DMRT1: variants seen among roughly 807,000 people sequenced by gnomAD.
DMRT1 encodes the protein doublesex- and mab-3-related transcription factor 1.
Under a neutral mutation model 32.3 loss-of-function variants are expected in DMRT1, and 7 were observed. The ratio of observed to expected loss-of-function variants is 0.22; its 90% CI spans 0.12 to 0.41. The LOEUF is 0.41. DMRT1 is among the 10% of genes least tolerant of loss of function. The pLI is 1.00. For synonymous variants in DMRT1, 278 were observed against 206.1 expected, an observed-to-expected ratio of 1.35 and a Z score of -2.99; for missense variants, 625 against 500.5, an observed-to-expected ratio of 1.25 and a Z score of -2.37.
intron 2 of DMRT1, among the ~76,000 whole-genome samples, chr9:857,371 A>G (rs1815442746): frequency 6.6e-6 from 1 of 152,094 alleles, no homozygotes; most frequent in Non-Finnish European, 1.5e-5. Context: ...GTCTTTGAAA[A>G]CGTTCCTTTC....
At chr9:901,563 G>A (rs186049839) in intron 3 of DMRT1, among the ~76,000 whole-genome samples, 1,590 of 152,208 alleles carry the variant, frequency 0.01, 17 homozygotes, top group Non-Finnish European at 0.015. Flanking sequence ...CTGACCTCAG[G>A]TGATCCGCCT....
chr9:875,451 C>T (rs548256674), intron 2 of DMRT1, among the ~76,000 whole-genome samples: 1 of 152,260 alleles, frequency 6.6e-6, no homozygotes, highest in Admixed American at 6.5e-5. Flanking sequence ...ATTTTGATTA[C>T]TGTCACATAG....
chr9:847,292 G>T lies in DMRT1; in HGVS notation c.538+149G>T, dbSNP rs1407808. The stretch of plus-strand genomic sequence containing the variant: ...GGATTCTCCCTGTGAAGGGCTGTTT[G>T]TGCCTGCATCACAAAGGAGGGGGCC... On this transcript the variant is annotated intron_variant, in intron 2 of 4. Transcript: ENST00000382276. The T allele has an allele frequency of 0.89, 725,254 of 812,758 alleles. 324,131 individuals are homozygous for T. The highest frequency in any genetic ancestry group is 0.96 in the Middle Eastern group (2,570 of 2,688). The allele number at this position is 812,758 out of a possible 1,614,324, so 50.3% of individuals were successfully genotyped here. A position where few individuals can be genotyped will look rare whatever the true frequency, so the allele number is the denominator to read the frequency against.
intron 4 of DMRT1, among the ~76,000 whole-genome samples, chr9:958,232 A>G (rs1374416429): frequency 6.6e-6 from 1 of 152,148 alleles, no homozygotes; most frequent in Non-Finnish European, 1.5e-5. Flanking sequence ...GCTGTATGCA[A>G]TCCTCTACCG....
chr9:861,838 C>T (rs1474889844), intron 2 of DMRT1, among the ~76,000 whole-genome samples: 1 of 146,244 alleles, frequency 6.8e-6, no homozygotes, highest in East Asian at 2.1e-4. Flanking sequence ...GGCGGCCGGT[C>T]AGAGACGCTC....
At chr9:906,200 G>A (rs1181255929) in intron 3 of DMRT1, among the ~76,000 whole-genome samples, 2 of 152,284 alleles carry the variant, frequency 1.3e-5, no homozygotes, top group Admixed American at 1.3e-4. Flanking sequence ...CACAAGTTGA[G>A]TGTGTCCATC....
At chr9:938,241 A>T (rs1818950467) in intron 4 of DMRT1, among the ~76,000 whole-genome samples, 1 of 152,142 alleles carries the variant, frequency 6.6e-6, no homozygotes, top group Middle Eastern at 3.2e-3. Flanking sequence ...TTTTCAGGTT[A>T]TGTTGGCTAT....
At chr9:934,600 G>A (rs933325519) in intron 4 of DMRT1, among the ~76,000 whole-genome samples, 4 of 152,136 alleles carry the variant, frequency 2.6e-5, no homozygotes, top group Admixed American at 2.6e-4. Flanking sequence ...TGTCTTCTAA[G>A]CATTTTATAG....
intron 2 of DMRT1, among the ~76,000 whole-genome samples, chr9:867,202 C>A (rs748349702): frequency 1.3e-5 from 2 of 151,780 alleles, no homozygotes; most frequent in Admixed American, 6.6e-5. Context: ...TGAAAAAAAA[C>A]AAAGCATAAT....
chr9:901,387 C>T (rs146523479), intron 3 of DMRT1, among the ~76,000 whole-genome samples: 1,559 of 151,672 alleles, frequency 0.01, 17 homozygotes, highest in South Asian at 0.032. Context: ...AGTGCAGTGG[C>T]GCGATCTCGG....
intron 3 of DMRT1, chr9:894,709 G>A (rs2132653576): frequency 5.2e-6 from 1 of 191,972 alleles, no homozygotes; most frequent in East Asian, 1.3e-4. Context: ...GTAAGAAAAG[G>A]AATTCGGTCA....
At chr9:957,819 G>C (rs1359472843) in intron 4 of DMRT1, among the ~76,000 whole-genome samples, 1 of 152,060 alleles carries the variant, frequency 6.6e-6, no homozygotes, top group Non-Finnish European at 1.5e-5. Context: ...AGACCAGCCT[G>C]ACCAACATGG....
intron 4 of DMRT1, among the ~76,000 whole-genome samples, chr9:956,787 A>C (rs543046252): frequency 6.6e-6 from 1 of 152,322 alleles, no homozygotes; most frequent in Non-Finnish European, 1.5e-5. Context: ...CCTTAAGTTC[A>C]GAGCCTCGCT....
At chr9:964,509 T>C (rs1819871496) in intron 4 of DMRT1, among the ~76,000 whole-genome samples, 1 of 152,182 alleles carries the variant, frequency 6.6e-6, no homozygotes, top group Admixed American at 6.5e-5. Flanking sequence ...TCCTTTTTTC[T>C]TTTCCTTACT....
intron 2 of DMRT1, among the ~76,000 whole-genome samples, chr9:860,443 G>T (rs1307361495): frequency 2.0e-5 from 3 of 152,222 alleles, no homozygotes; most frequent in Non-Finnish European, 4.4e-5. Flanking sequence ...GTCTGAGCAA[G>T]ATTTCCTCCC....
At chr9:918,647 C>T (rs1178399792) in intron 4 of DMRT1, among the ~76,000 whole-genome samples, 1 of 152,032 alleles carries the variant, frequency 6.6e-6, no homozygotes, top group Non-Finnish European at 1.5e-5. Context: ...TGAGGAGGCC[C>T]CAGGCTTAAC....
intron 2 of DMRT1, among the ~76,000 whole-genome samples, chr9:884,992 C>G (rs1816870317): frequency 6.6e-6 from 1 of 152,158 alleles, no homozygotes; most frequent in Admixed American, 6.5e-5. Flanking sequence ...ACAAAAACAT[C>G]TAACTTCATA....
At chr9:882,273 G>C (rs73372798) in intron 2 of DMRT1, among the ~76,000 whole-genome samples, 5,432 of 152,216 alleles carry the variant, frequency 0.036, 144 homozygotes, top group African/African-American at 0.067. Context: ...ATCCCAAATT[G>C]CATACCACTG....
intron 2 of DMRT1, among the ~76,000 whole-genome samples, chr9:880,153 C>T (rs901896349): frequency 6.6e-6 from 1 of 152,170 alleles, no homozygotes; most frequent in Non-Finnish European, 1.5e-5. Flanking sequence ...ATCAGTCACT[C>T]TTCCAGGATA....
Sources: gnomAD v4.1 joint callset for allele counts (sites outside exome capture counted in the v4.1 genomes callset) on GRCh38, gnomAD v4.1.1 for gene constraint, MANE v1.5 for transcripts, NCBI Gene and HGNC (gene_info 2026-07-23, HGNC 2026-07-21) for gene names.